ZBTB34: variants seen among roughly 807,000 people sequenced by gnomAD.
The protein encoded by ZBTB34 is zinc finger and BTB domain containing 34.
A neutral mutation model predicts 33.4 loss-of-function variants in ZBTB34; 1 was observed. The observed-to-expected ratio is 0.03, with a 90% CI of 0.01 to 0.14. The LOEUF (loss-of-function observed/expected upper bound fraction) is 0.14, where lower values mean the gene tolerates loss of function less well. Ranked by LOEUF, ZBTB34 falls within the 10% of genes least tolerant of loss-of-function variation. The pLI, the probability that ZBTB34 is intolerant of heterozygous loss-of-function variation, is 1.00. For missense variants in ZBTB34, 406 were observed against 657.2 expected (o/e 0.62, Z 4.18); for synonymous variants, 283 against 253.5 (o/e 1.12, Z -1.11).
intron 1 of ZBTB34, among the ~76,000 whole-genome samples, chr9:126,861,241 A>C (rs774803576): frequency 1.3e-5 from 2 of 152,032 alleles, no homozygotes; most frequent in Non-Finnish European, 2.9e-5. Flanking sequence ...CTCCAGGTAA[A>C]CAGGCGGCGG....
At chr9:126,867,317 C>G (rs1444715115) in intron 1 of ZBTB34, among the ~76,000 whole-genome samples, 2 of 151,972 alleles carry the variant, frequency 1.3e-5, no homozygotes, top group Non-Finnish European at 2.9e-5. Flanking sequence ...ACTACACTTG[C>G]CAGCTCTTTT....
At chr9:126,869,996 G>A (rs534673006) in intron 1 of ZBTB34, among the ~76,000 whole-genome samples, 2 of 152,038 alleles carry the variant, frequency 1.3e-5, no homozygotes, top group Non-Finnish European at 2.9e-5. Flanking sequence ...GTTAAAATAC[G>A]TATCGATACT....
chr9:126,885,398 T>C (rs897521378), exon 2 of ZBTB34: 11 of 167,112 alleles, frequency 6.6e-5, no homozygotes, highest in Admixed American at 5.2e-4. Context: ...GCCCAAGCCT[T>C]TGGTTGCTGC....
In ZBTB34 at chr9:126,880,127, A is replaced by T; in HGVS notation, c.728A>T (p.Glu243Val). 3 of 1,613,742 alleles carry T rather than the reference A, an allele frequency of 1.9e-6. No individual in the cohort carries two copies. Among genetic ancestry groups the T allele is most frequent in the Non-Finnish European group, 2.5e-6 (3 of 1,179,884 alleles). ...ATCACCGAGGTGAAAGTGAAGATGG[A>T]GAAGTCCGACCGGCCCAGCTGTTCC... The change falls in exon 2 of 2, where the codon GAG (glutamate) becomes GTG (valine). Residue 243 changes from glutamate to valine, a missense_variant. Glu to Val is a moderately radical substitution (Grantham distance 121, BLOSUM62 -2). Coordinates refer to ENST00000319119, the Ensembl canonical transcript of ZBTB34. The surrounding 1 kb of genome is among the most constrained non-coding windows in gnomAD (Gnocchi z 6.7).
chr9:126,867,636 G>A (rs2033224897), intron 1 of ZBTB34, among the ~76,000 whole-genome samples: 1 of 150,838 alleles, frequency 6.6e-6, no homozygotes, highest in African/African-American at 2.4e-5. Context: ...TATTTTTTTT[G>A]TCATGTACTT....
intron 1 of ZBTB34, among the ~76,000 whole-genome samples, chr9:126,877,395 G>A (rs926700141): frequency 1.3e-5 from 2 of 152,086 alleles, no homozygotes; most frequent in Admixed American, 1.3e-4. Context: ...CAGATTTTAC[G>A]TGTTTTCTCA....
At chr9:126,882,906 G>T (rs191441564) in exon 2 of ZBTB34, 1 of 167,032 alleles carries the variant, frequency 6.0e-6, no homozygotes, top group African/African-American at 2.4e-5. Flanking sequence ...ATCTGTTCAC[G>T]TGTGAACTGC....
At chr9:126,884,759 A>G (rs1050797217) in exon 2 of ZBTB34, 1 of 167,054 alleles carries the variant, frequency 6.0e-6, no homozygotes, top group Non-Finnish European at 1.5e-5. Flanking sequence ...AAAATCATCT[A>G]TGTGAATGAG....
In ZBTB34 at chr9:126,884,178, A is replaced by G. The variant is rs41274424; in HGVS notation, c.*3264A>G. Reference sequence around the variant, plus strand: ...AGTCTCTTCTTGAGCTACCTTTTCAATATTAGACAATGTGAAGACAGTGAC... The same window carrying G: ...AGTCTCTTCTTGAGCTACCTTTTCAGTATTAGACAATGTGAAGACAGTGAC... On this transcript the variant is annotated 3_prime_UTR_variant, in exon 2 of 2. Transcript: ENST00000319119. 4.6e-3 allele frequency: 766 copies of G among 167,200 alleles called. 4 individuals carry two copies. The highest frequency in any genetic ancestry group is 8.3e-3 in the Non-Finnish European group (564 of 68,128). 10.4% of individuals were successfully genotyped at this position (167,200 alleles called of 1,614,324 possible). A position where few individuals can be genotyped will look rare whatever the true frequency, so the allele number is the denominator to read the frequency against.
chr9:126,862,561 G>C (rs1311564009), intron 1 of ZBTB34, among the ~76,000 whole-genome samples: 1 of 152,106 alleles, frequency 6.6e-6, no homozygotes, highest in Non-Finnish European at 1.5e-5. Context: ...CGGCTTCTTG[G>C]GTTTTGCTTC....
intron 1 of ZBTB34, among the ~76,000 whole-genome samples, chr9:126,874,246 T>C (rs11794500): frequency 0.055 from 8,298 of 149,874 alleles, 422 homozygotes; most frequent in East Asian, 0.17. Flanking sequence ...GAGATGGGGT[T>C]TCACCGTGTT....
intron 1 of ZBTB34, among the ~76,000 whole-genome samples, chr9:126,872,495 A>C (rs1274280199): frequency 6.6e-6 from 1 of 152,226 alleles, no homozygotes; most frequent in African/African-American, 2.4e-5. Flanking sequence ...CAAGAGCTTC[A>C]AGAAACCAGT....
Position 126,880,554 on chromosome 9 carries a change from C to T in ZBTB34, c.1155C>T (p.Phe385=), listed in dbSNP as rs1456387633. ...TCTGTATTTACTGTGGAAAGTCCTT[C>T]AACCAGAAAGGAAGCCTTGATAGGC... Residue 385 remains phenylalanine, a synonymous_variant, in exon 2 of 2, where the codon TTC becomes TTT. Transcript: ENST00000319119. This position sits in a 1 kb window ranked among gnomAD's most constrained non-coding sequence, Gnocchi z 6.7. 6.2e-7 allele frequency: 1 copy of T among 1,613,872 alleles called. No individual in the cohort carries two copies. The highest frequency in any genetic ancestry group is 8.5e-7 in the Non-Finnish European group (1 of 1,179,898).
At position 126,879,942 on chromosome 9, in the gene ZBTB34, C is replaced by T. The variant is rs1420112622; in HGVS notation, c.543C>T (p.Ser181=). 2 of 1,613,206 alleles carry T rather than the reference C, an allele frequency of 1.2e-6. No individual in the cohort carries two copies. The highest frequency in any genetic ancestry group is 1.7e-6 in the Non-Finnish European group (2 of 1,179,878). The change falls in exon 2 of 2, where the codon AGC becomes AGT. Residue 181 remains serine (S), a synonymous_variant. Transcript: ENST00000319119. The surrounding 1 kb of genome is among the most constrained non-coding windows in gnomAD (Gnocchi z 6.4). ...CTCAGGGACGGCAGCCCACCGCAAG[C>T]AGTGACCTCCGGATGGAGACGACCC...
chr9:126,879,644 A>T lies in ZBTB34; in HGVS notation c.245A>T (p.Asn82Ile), dbSNP rs777747817. 2 of 1,613,560 alleles carry T rather than the reference A, an allele frequency of 1.2e-6. No homozygotes were observed. Among genetic ancestry groups the T allele is most frequent in the Non-Finnish European group, 1.7e-6 (2 of 1,179,890 alleles). Residue 82 changes from asparagine to isoleucine, a missense_variant, in exon 2 of 2, where the codon AAT (asparagine) becomes ATT (isoleucine). By Grantham distance (149) the Asn-to-Ile change is moderately radical. Coordinates refer to ENST00000319119, the Ensembl canonical transcript of ZBTB34. The surrounding 1 kb of genome is among the most constrained non-coding windows in gnomAD (Gnocchi z 6.4). ...TCAATATCAGTGATTAAAAATCCCA[A>T]TGTGTTTGAGCAGTTGCTTTCTTTT...
Position 126,880,725 on chromosome 9 carries a change from A to G in ZBTB34, c.1326A>G (p.Pro442=), listed in dbSNP as rs2033427548. The change falls in exon 2 of 2, where the codon CCA becomes CCG. Residue 442 remains proline, a synonymous_variant. Coordinates refer to ENST00000319119, the Ensembl canonical transcript of ZBTB34. The surrounding 1 kb of genome is among the most constrained non-coding windows in gnomAD (Gnocchi z 6.7). ...GTGAGATCTGCGGGAAGTGCTTTCC[A>G]TTCCAAGGTACCCTCAACCAGCACT... The G allele has an allele frequency of 1.2e-6, 2 of 1,613,730 alleles. No individual in the cohort carries two copies. The highest frequency in any genetic ancestry group is 1.7e-6 in the Non-Finnish European group (2 of 1,179,904).
At chr9:126,874,187 G>C (rs557576073) in intron 1 of ZBTB34, among the ~76,000 whole-genome samples, 2 of 149,470 alleles carry the variant, frequency 1.3e-5, no homozygotes, top group African/African-American at 2.5e-5. Context: ...GACTACAGGC[G>C]CCCGCCACCA....
At position 126,880,961 on chromosome 9, in the gene ZBTB34, T is replaced by C. The variant is rs751512707; in HGVS notation, c.*47T>C. The C allele has an allele frequency of 2.9e-5, 44 of 1,530,044 alleles. 1 individual carries two copies. The South Asian group carries it at 5.3e-4, about 18-fold the overall frequency. 94.8% of individuals were successfully genotyped at this position (1,530,044 alleles called of 1,614,324 possible). ...AACAAAGCACATTAATCAATGCATATTTGTGATTTGCTTTGTTGTAATCTT... is the reference window on the plus strand; with the variant it reads ...AACAAAGCACATTAATCAATGCATACTTGTGATTTGCTTTGTTGTAATCTT... On this transcript the variant is annotated 3_prime_UTR_variant, in exon 2 of 2. Transcript: ENST00000319119. This position sits in a 1 kb window ranked among gnomAD's most constrained non-coding sequence, Gnocchi z 6.7.
intron 1 of ZBTB34, among the ~76,000 whole-genome samples, chr9:126,874,720 G>A (rs943504200): frequency 7.9e-5 from 12 of 152,068 alleles, no homozygotes; most frequent in Non-Finnish European, 1.5e-5. Context: ...CTTCCAGCAC[G>A]TCCTTCCTCC....
Sources: gnomAD v4.1 joint callset for allele counts (sites outside exome capture counted in the v4.1 genomes callset) on GRCh38, gnomAD v4.1.1 for gene constraint, Gnocchi (gnomAD v3.1) non-coding constraint, MANE v1.5 for transcripts, NCBI Gene and HGNC (gene_info 2026-07-23, HGNC 2026-07-21) for gene names.